Variants in BMP6 observed in about 807,000 individuals in gnomAD.
BMP6 encodes bone morphogenetic protein 6, also known as VG-1-R.
BMP6 carries 17 observed loss-of-function variants against 54.1 expected under a neutral mutation model. The observed-to-expected ratio is 0.31, with a 90% CI of 0.22 to 0.47. BMP6 has a LOEUF of 0.47. BMP6 is among the 20% of genes least tolerant of loss of function. The pLI is 1.00. For missense variants in BMP6, 720 were observed against 690.4 expected, an observed-to-expected ratio of 1.04 and a Z score of -0.48; for synonymous variants, 328 against 291.2, an observed-to-expected ratio of 1.13 and a Z score of -1.28.
chr6:7,870,512 A>AG (rs909054655), intron 4 of BMP6, among the ~76,000 whole-genome samples: 6 of 152,250 alleles, frequency 3.9e-5, no homozygotes, highest in African/African-American at 1.2e-4. Context: ...TCTCCTTCTG[A>AG]GGGGGATGGT....
At chr6:7,738,280 C>G (rs1252841278) in intron 1 of BMP6, among the ~76,000 whole-genome samples, 1 of 152,164 alleles carries the variant, frequency 6.6e-6, no homozygotes. Context: ...TTGTGTCAGA[C>G]CCAGGCCTCT....
At chr6:7,810,301 T>C (rs1758417318) in intron 1 of BMP6, among the ~76,000 whole-genome samples, 1 of 152,212 alleles carries the variant, frequency 6.6e-6, no homozygotes, top group Admixed American at 6.5e-5. Context: ...GATAGCATTA[T>C]GGAATTCTTA....
At chr6:7,742,906 CT>C (rs888796212) in intron 1 of BMP6, among the ~76,000 whole-genome samples, 4 of 152,296 alleles carry the variant, frequency 2.6e-5, no homozygotes, top group Admixed American at 6.5e-5. Flanking sequence ...GAACAGAGAT[CT>C]TTCCCCCCCT....
intron 1 of BMP6, among the ~76,000 whole-genome samples, chr6:7,838,862 A>G (rs1429332055): frequency 6.6e-6 from 1 of 151,450 alleles, no homozygotes; most frequent in Non-Finnish European, 1.5e-5. Context: ...GAATGGCGTC[A>G]ACCCGGGAGG....
rs1438989786 is a variant in BMP6 at position 7,758,710 on chromosome 6, C to T, written c.664+31091C>T. 3.9e-5 allele frequency among the ~76,000 whole-genome samples: 6 copies of T among 152,214 alleles called. No homozygotes were observed. In the South Asian group the frequency reaches 6.2e-4, roughly 16 times the overall value. On this transcript the variant is annotated intron_variant, in intron 1 of 6. Coordinates refer to ENST00000283147, the MANE Select transcript of BMP6 (RefSeq NM_001718.6). Reference sequence around the variant, plus strand: ...TGCCAAGCCTGACACCGAAGAAAAACGCAGCCCTTGGGTCCGGCTGTGCCT... The same window carrying T: ...TGCCAAGCCTGACACCGAAGAAAAATGCAGCCCTTGGGTCCGGCTGTGCCT...
At chr6:7,818,913 A>G (rs992960444) in intron 1 of BMP6, among the ~76,000 whole-genome samples, 1 of 152,204 alleles carries the variant, frequency 6.6e-6, no homozygotes, top group Non-Finnish European at 1.5e-5. Flanking sequence ...TAAACACGTG[A>G]AATTGGCAAG....
At chr6:7,757,018 A>G (rs1012152221) in intron 1 of BMP6, among the ~76,000 whole-genome samples, 1 of 152,148 alleles carries the variant, frequency 6.6e-6, no homozygotes, top group East Asian at 1.9e-4. Context: ...CGCTCTCTCT[A>G]TGTAGCACTC....
At chr6:7,790,498 C>A in intron 1 of BMP6, among the ~76,000 whole-genome samples, 1 of 117,278 alleles carries the variant, frequency 8.5e-6, no homozygotes. Flanking sequence ...CAGGGTGACA[C>A]AGTGAGACCC....
chr6:7,754,220 C>T (rs928572232), intron 1 of BMP6, among the ~76,000 whole-genome samples: 3 of 152,086 alleles, frequency 2.0e-5, no homozygotes, highest in East Asian at 3.9e-4. Context: ...TGGGCTCAAG[C>T]GATCCTCCCA....
At chr6:7,842,811 T>TA (rs1758997679) in intron 1 of BMP6, among the ~76,000 whole-genome samples, 1 of 152,254 alleles carries the variant, frequency 6.6e-6, no homozygotes, top group African/African-American at 2.4e-5. Flanking sequence ...ATCTTAAAGT[T>TA]ACTGTCTTAT....
At chr6:7,735,881 C>T (rs77664070) in intron 1 of BMP6, among the ~76,000 whole-genome samples, 7,852 of 152,176 alleles carry the variant, frequency 0.052, 662 homozygotes, top group African/African-American at 0.17. Context: ...CTACTCTGCC[C>T]TACAAATCCT....
intron 1 of BMP6, among the ~76,000 whole-genome samples, chr6:7,797,360 G>A (rs1182590148): frequency 6.6e-6 from 1 of 152,094 alleles, no homozygotes; most frequent in East Asian, 1.9e-4. Context: ...GTGTATAGTC[G>A]CTTCAGCTTT....
At chr6:7,803,236 G>A (rs143704968) in intron 1 of BMP6, among the ~76,000 whole-genome samples, 9 of 152,242 alleles carry the variant, frequency 5.9e-5, no homozygotes, top group South Asian at 2.1e-4. Flanking sequence ...TAGAGCATCC[G>A]TGGTCAAGAG....
chr6:7,818,143 A>G (rs1758557891), intron 1 of BMP6, among the ~76,000 whole-genome samples: 1 of 152,260 alleles, frequency 6.6e-6, no homozygotes, highest in African/African-American at 2.4e-5. Context: ...CAGCAGATCA[A>G]AAATAAGCAA....
At chr6:7,764,656 AT>A (rs1757658927) in intron 1 of BMP6, among the ~76,000 whole-genome samples, 1 of 152,072 alleles carries the variant, frequency 6.6e-6, no homozygotes, top group Non-Finnish European at 1.5e-5. Flanking sequence ...TATTAAAAAA[AT>A]TTTTTTAGGG....
intron 1 of BMP6, among the ~76,000 whole-genome samples, chr6:7,754,768 A>T (rs1561760640): frequency 6.6e-6 from 1 of 152,132 alleles, no homozygotes; most frequent in Admixed American, 6.5e-5. Context: ...CCCAGGCTGG[A>T]GTGCAGTGGT....
intron 1 of BMP6, among the ~76,000 whole-genome samples, chr6:7,751,112 T>C (rs1439342849): frequency 1.3e-5 from 2 of 152,210 alleles, no homozygotes; most frequent in Non-Finnish European, 2.9e-5. Flanking sequence ...CCAAGTGGTA[T>C]TGCCTCCCGC....
intron 4 of BMP6, among the ~76,000 whole-genome samples, chr6:7,876,553 A>G (rs997454798): frequency 2.0e-5 from 3 of 152,212 alleles, no homozygotes; most frequent in African/African-American, 4.8e-5. Context: ...ATTCTGTGCT[A>G]TATTTGAAGA....
chr6:7,792,877 C>T (rs1758130628), intron 1 of BMP6, among the ~76,000 whole-genome samples: 1 of 152,236 alleles, frequency 6.6e-6, no homozygotes, highest in Non-Finnish European at 1.5e-5. Flanking sequence ...CTGAGTGTTT[C>T]ATACTCAAGG....
Sources: gnomAD v4.1 joint callset for allele counts (sites outside exome capture counted in the v4.1 genomes callset) on GRCh38, gnomAD v4.1.1 for gene constraint, MANE v1.5 for transcripts, NCBI Gene and HGNC (gene_info 2026-07-23, HGNC 2026-07-21) for gene names.